Variants in ARCN1 observed in about 807,000 individuals in gnomAD.
ARCN1 encodes archain 1 coat protein complex I subunit delta.
A neutral mutation model predicts 60.4 loss-of-function variants in ARCN1; 5 were observed. That is an observed-to-expected ratio of 0.08 (90% CI 0.04 to 0.17). ARCN1 has a LOEUF of 0.17. Among genes scored for constraint, ARCN1 ranks in the 10% least tolerant of loss-of-function variants. ARCN1 has a pLI of 1.00. For synonymous variants in ARCN1, 224 were observed against 220.0 expected (o/e 1.02, Z -0.16); for missense variants, 464 against 626.5 (o/e 0.74, Z 2.77).
At chr11:118,588,827 G>A (rs1938832415) in intron 5 of ARCN1, among the ~76,000 whole-genome samples, 1 of 152,162 alleles carries the variant, frequency 6.6e-6, no homozygotes, top group Non-Finnish European at 1.5e-5. Flanking sequence ...AGACCAGCCT[G>A]GCCAGCATGG....
At position 118,602,681 on chromosome 11, in the gene ARCN1, A is replaced by G. The variant is rs1039173182; in HGVS notation, c.*1967A>G. ...TTTCTGAGAAGGGCTTGGGACAAGAAGTCTGTCATGTTAGTTAAGCAGGCA... is the reference window on the plus strand; with the variant it reads ...TTTCTGAGAAGGGCTTGGGACAAGAGGTCTGTCATGTTAGTTAAGCAGGCA... On this transcript the variant is annotated 3_prime_UTR_variant, in exon 10 of 10. Transcript: ENST00000264028. The G allele has an allele frequency of 6.5e-6, 1 of 153,900 alleles. No individual in the cohort carries two copies. Among genetic ancestry groups the G allele is most frequent in the Non-Finnish European group, 1.5e-5 (1 of 68,036 alleles). 9.5% of individuals were successfully genotyped at this position (153,900 alleles called of 1,614,324 possible).
intron 5 of ARCN1, among the ~76,000 whole-genome samples, chr11:118,585,915 T>A (rs1031859839): frequency 2.0e-5 from 3 of 152,158 alleles, no homozygotes; most frequent in East Asian, 3.9e-4. Flanking sequence ...GTGGTACTGG[T>A]TGGTGACATT....
intron 2 of ARCN1, among the ~76,000 whole-genome samples, chr11:118,582,419 T>A (rs1938678028): frequency 6.6e-6 from 1 of 151,978 alleles, no homozygotes; most frequent in African/African-American, 2.4e-5. Flanking sequence ...CATGAGCCGC[T>A]GCACCCGGCT....
In ARCN1 at chr11:118,572,456, A is replaced by T. The variant is rs1003167179; in HGVS notation, c.-92A>T. 498 of 1,360,056 alleles carry T rather than the reference A, an allele frequency of 3.7e-4. No individual in the cohort carries two copies. The highest frequency in any genetic ancestry group is 5.5e-4 in the Middle Eastern group (3 of 5,424). The allele number at this position is 1,360,056 out of a possible 1,614,324, so 84.2% of individuals were successfully genotyped here. The stretch of plus-strand genomic sequence containing the variant: ...CAGCGGTTCCTGTCAAGGGGGCAGC[A>T]GGTCCAGAGCTGCTGGTGCTCCCGT... On this transcript the variant is annotated 5_prime_UTR_variant, in exon 1 of 10. Coordinates refer to ENST00000264028, the MANE Select transcript of ARCN1 (RefSeq NM_001655.5).
intron 8 of ARCN1, 81 bp downstream of exon 8, chr11:118,593,779 G>A: frequency 1.2e-6 from 1 of 801,564 alleles, no homozygotes; most frequent in South Asian, 1.7e-5. Context: ...GCACCTACCT[G>A]ACCTGACTGT....
intron 1 of ARCN1, among the ~76,000 whole-genome samples, chr11:118,577,814 A>G (rs1363215523): frequency 2.0e-5 from 3 of 152,182 alleles, no homozygotes; most frequent in Admixed American, 6.5e-5. Flanking sequence ...TAATATCGCA[A>G]AAATGGAGAT....
In ARCN1 at chr11:118,590,356, T is replaced by G; in HGVS notation, c.834T>G (p.Ile278Met). 4 of 1,613,514 alleles carry G rather than the reference T, an allele frequency of 2.5e-6. No individual in the cohort carries two copies. The South Asian group carries it at 4.4e-5, about 18-fold the overall frequency. Residue 278 changes from isoleucine to methionine, a missense_variant, in exon 6 of 10, where the codon ATT becomes ATG. Coordinates refer to ENST00000264028, the MANE Select transcript of ARCN1 (RefSeq NM_001655.5). ...PINMESVHMK[I>M]EEKITLTCGR... ...CTCTTTATAGTGTACATATGAAGAT[T>G]GAAGAAAAGATAACATTAACCTGTG...
intron 6 of ARCN1, 108 bp from the exon 7 acceptor site, chr11:118,592,601 G>A: frequency 1.4e-6 from 1 of 734,708 alleles, no homozygotes; most frequent in South Asian, 3.6e-5. Flanking sequence ...ATTGGAATTT[G>A]TTAGGTACTC....
In ARCN1 at chr11:118,600,607, CTT is replaced by C. The variant is rs1939126421; in HGVS notation, c.1447-16_1447-15del. On this transcript the variant is annotated splice_polypyrimidine_tract_variant and intron_variant, in intron 9 of 9. Coordinates refer to ENST00000264028, the MANE Select transcript of ARCN1 (RefSeq NM_001655.5). ...CTCAAACCTCCTGCTTTACCTTACT[CTT>C]TGTTTATTTTCCTAGGTTACCAAAG... 3 of 1,589,014 alleles carry C rather than the reference CTT, an allele frequency of 1.9e-6. No individual in the cohort carries two copies. The highest frequency in any genetic ancestry group is 1.4e-5 in the African/African-American group (1 of 73,896).
chr11:118,593,391 C>CT (rs57568260), intron 7 of ARCN1, among the ~76,000 whole-genome samples, 199 bp from the exon 8 acceptor site: 7,581 of 120,976 alleles, frequency 0.063, 589 homozygotes, highest in African/African-American at 0.17. Context: ...CCACGCCTGG[C>CT]TTTTTTTTTT....
chr11:118,591,291 C>A (rs782721398), intron 6 of ARCN1, among the ~76,000 whole-genome samples: 1 of 152,168 alleles, frequency 6.6e-6, no homozygotes, highest in Non-Finnish European at 1.5e-5. Flanking sequence ...CTTTCCCCAC[C>A]GTAGTCAGCA....
At chr11:118,592,685 G>A (rs190216359) in intron 6 of ARCN1, 24 bp from the exon 7 acceptor site, 8 of 1,604,622 alleles carry the variant, frequency 5.0e-6, no homozygotes, top group Non-Finnish European at 6.8e-6. Context: ...AACCTCAGGA[G>A]TTTTCCTTTC....
At position 118,601,795 on chromosome 11, in the gene ARCN1, A is replaced by G; in HGVS notation, c.*1081A>G. 1 of 698,190 alleles carries G rather than the reference A, an allele frequency of 1.4e-6. No homozygotes were observed. Among genetic ancestry groups the G allele is most frequent in the Non-Finnish European group, 2.6e-6 (1 of 381,786 alleles). The allele number at this position is 698,190 out of a possible 1,614,324, so 43.2% of individuals were successfully genotyped here. On this transcript the variant is annotated 3_prime_UTR_variant, in exon 10 of 10. Transcript: ENST00000264028. Reference sequence around the variant, plus strand: ...CTGAGAAGCACCTTTCAAATGGCACAGTCCCTCTTCAAGATGTCTAAAAGA... The same window carrying G: ...CTGAGAAGCACCTTTCAAATGGCACGGTCCCTCTTCAAGATGTCTAAAAGA...
chr11:118,575,023 G>C (rs1555073217), intron 1 of ARCN1, among the ~76,000 whole-genome samples: 2 of 152,108 alleles, frequency 1.3e-5, no homozygotes, highest in African/African-American at 4.8e-5. Flanking sequence ...TCTGTCTCCA[G>C]GCTGGAGTGC....
At chr11:118,580,922 C>G (rs1938635495) in intron 1 of ARCN1, among the ~76,000 whole-genome samples, 1 of 152,130 alleles carries the variant, frequency 6.6e-6, no homozygotes, top group Non-Finnish European at 1.5e-5. Flanking sequence ...CGCTTGAACC[C>G]AGGAGTTCAA....
At chr11:118,588,527 G>C (rs188486730) in intron 5 of ARCN1, among the ~76,000 whole-genome samples, 7 of 152,206 alleles carry the variant, frequency 4.6e-5, no homozygotes, top group Non-Finnish European at 5.9e-5. Context: ...ATTGACATAT[G>C]GTTGACAGAT....
At chr11:118,582,022 G>A (rs1242893564) in intron 2 of ARCN1, among the ~76,000 whole-genome samples, 3 of 149,534 alleles carry the variant, frequency 2.0e-5, no homozygotes, top group African/African-American at 7.7e-5. Context: ...GGCCAGGTGC[G>A]GTAGCATGTG....
chr11:118,580,539 T>C (rs967923025), intron 1 of ARCN1, among the ~76,000 whole-genome samples: 11 of 152,114 alleles, frequency 7.2e-5, no homozygotes, highest in Admixed American at 3.3e-4. Context: ...TAAAAATATA[T>C]AAGTATTCCT....
At chr11:118,584,352 C>T (rs1938729758) in intron 4 of ARCN1, 128 bp from the exon 5 acceptor site, 2 of 844,324 alleles carry the variant, frequency 2.4e-6, no homozygotes, top group South Asian at 2.1e-5. Flanking sequence ...TGTGAATTAC[C>T]CAAAATTATA....
Sources: gnomAD v4.1 joint callset for allele counts (sites outside exome capture counted in the v4.1 genomes callset) on GRCh38, gnomAD v4.1.1 for gene constraint, MANE v1.5 for transcripts, NCBI Gene and HGNC (gene_info 2026-07-23, HGNC 2026-07-21) for gene names.